Variants in PDE3A observed in about 807,000 individuals in gnomAD.
The protein encoded by PDE3A is phosphodiesterase 3A.
A neutral mutation model predicts 98.3 loss-of-function variants in PDE3A; 43 were observed. That is an observed-to-expected ratio of 0.44 (90% CI 0.34 to 0.56). The LOEUF (loss-of-function observed/expected upper bound fraction) is 0.56, where lower values mean the gene tolerates loss of function less well. Ranked by LOEUF, PDE3A falls within the 20% of genes least tolerant of loss-of-function variation. The probability of loss-of-function intolerance (pLI) is 0.01; values close to 1 mark genes in which losing one functional copy is unlikely to be tolerated. For synonymous variants in PDE3A, 663 were observed against 567.9 expected (o/e 1.17, Z -2.38); for missense variants, 1,427 against 1,440.7 (o/e 0.99, Z 0.15).
chr12:20,546,649 T>C (rs1942067623), intron 1 of PDE3A, among the ~76,000 whole-genome samples: 4 of 152,078 alleles, frequency 2.6e-5, no homozygotes, highest in Admixed American at 2.6e-4. Context: ...TCAAAAACCG[T>C]GTGCTCGTCA....
intron 1 of PDE3A, among the ~76,000 whole-genome samples, chr12:20,533,483 T>C (rs886896076): frequency 1.0e-4 from 15 of 150,614 alleles, no homozygotes; most frequent in Middle Eastern, 6.9e-3. Context: ...TTTTTCTTTT[T>C]TTTTTTTTTT....
chr12:20,497,548 A>G (rs987046311), intron 1 of PDE3A, among the ~76,000 whole-genome samples: 2 of 151,612 alleles, frequency 1.3e-5, no homozygotes, highest in African/African-American at 4.8e-5. Context: ...AAACAGGATC[A>G]TGAGAAAACA....
intron 1 of PDE3A, among the ~76,000 whole-genome samples, chr12:20,461,840 C>T (rs753666048): frequency 1.2e-4 from 18 of 152,114 alleles, no homozygotes; most frequent in Non-Finnish European, 2.5e-4. Context: ...TTTATAATAG[C>T]CTATCTTTTC....
chr12:20,387,447 C>G (rs933222868), intron 1 of PDE3A, among the ~76,000 whole-genome samples: 1 of 151,874 alleles, frequency 6.6e-6, no homozygotes, highest in Non-Finnish European at 1.5e-5. Flanking sequence ...TCTCTCATTC[C>G]TTGGATGCTC....
chr12:20,571,883 A>T, intron 2 of PDE3A: 4 of 1,035,532 alleles, frequency 3.9e-6, no homozygotes, highest in Non-Finnish European at 4.6e-6. Context: ...TCCAATAGTG[A>T]TTGCCACCCA....
intron 2 of PDE3A, among the ~76,000 whole-genome samples, chr12:20,598,364 A>G (rs2121399957): frequency 6.6e-6 from 1 of 152,026 alleles, no homozygotes; most frequent in East Asian, 1.9e-4. Flanking sequence ...TTGTATTTTT[A>G]GTAGAGATGG....
intron 1 of PDE3A, among the ~76,000 whole-genome samples, chr12:20,397,887 G>T (rs1300396566): frequency 1.3e-5 from 2 of 152,062 alleles, no homozygotes; most frequent in African/African-American, 2.4e-5. Context: ...GCAAATGAAT[G>T]AAAATAAAAG....
chr12:20,612,795 G>C (rs1201064250), intron 2 of PDE3A, among the ~76,000 whole-genome samples: 2 of 150,846 alleles, frequency 1.3e-5, no homozygotes, highest in African/African-American at 4.9e-5. Context: ...CTTCGTTTCT[G>C]CTGTGAGGAC....
chr12:20,465,144 T>A (rs1945319113), intron 1 of PDE3A, among the ~76,000 whole-genome samples: 1 of 152,208 alleles, frequency 6.6e-6, no homozygotes, highest in Admixed American at 6.5e-5. Context: ...TCATCAAATC[T>A]TCCTTTCTGA....
chr12:20,558,737 T>G (rs1179650599), intron 2 of PDE3A, among the ~76,000 whole-genome samples: 1 of 150,004 alleles, frequency 6.7e-6, no homozygotes, highest in Non-Finnish European at 1.5e-5. Context: ...TGTTTTCATG[T>G]TTTGGATAAT....
intron 15 of PDE3A, among the ~76,000 whole-genome samples, chr12:20,667,058 G>A (rs747121694): frequency 6.6e-6 from 1 of 152,008 alleles, no homozygotes; most frequent in Non-Finnish European, 1.5e-5. Context: ...ATACCTGTTG[G>A]CCATTTGTAT....
At chr12:20,429,969 T>A (rs187221031) in intron 1 of PDE3A, among the ~76,000 whole-genome samples, 1 of 152,326 alleles carries the variant, frequency 6.6e-6, no homozygotes, top group Admixed American at 6.5e-5. Flanking sequence ...TAAATGTTTT[T>A]AAAATTTCTT....
intron 1 of PDE3A, among the ~76,000 whole-genome samples, chr12:20,387,495 C>T (rs1943833406): frequency 1.3e-5 from 2 of 151,938 alleles, no homozygotes; most frequent in South Asian, 4.1e-4. Context: ...AAACATGAGA[C>T]TTTCAAAGAA....
chr12:20,635,733 A>T (rs1007226088), intron 8 of PDE3A, among the ~76,000 whole-genome samples: 2 of 148,948 alleles, frequency 1.3e-5, no homozygotes, highest in Non-Finnish European at 3.0e-5. Context: ...AGCCTGGGCA[A>T]CAGAGTGCCA....
In PDE3A at chr12:20,687,903, T is replaced by A. The variant is rs1490963900; in HGVS notation, c.*7632T>A. 2.4e-5 allele frequency among the ~76,000 whole-genome samples: 2 copies of A among 84,398 alleles called. No homozygotes were observed. The highest frequency in any genetic ancestry group is 2.1e-5 in the Non-Finnish European group (1 of 46,782). The allele number at this position is 84,398 out of a possible 152,430, so 55.4% of individuals were successfully genotyped here. On this transcript the variant is annotated 3_prime_UTR_variant, in exon 16 of 16. Transcript: ENST00000359062. ...GCATTTGTTCTGACCAGTCATTACCTCTTCCCAACAGAAAAAAAAAAAAAA... is the reference window on the plus strand; with the variant it reads ...GCATTTGTTCTGACCAGTCATTACCACTTCCCAACAGAAAAAAAAAAAAAA...
At chr12:20,612,368 T>A (rs1488847241) in intron 2 of PDE3A, among the ~76,000 whole-genome samples, 2 of 151,588 alleles carry the variant, frequency 1.3e-5, no homozygotes, top group African/African-American at 2.4e-5. Flanking sequence ...ATCTTCTCTG[T>A]GTGGCAAACA....
chr12:20,436,992 T>C (rs1333494294), intron 1 of PDE3A, among the ~76,000 whole-genome samples: 5 of 152,146 alleles, frequency 3.3e-5, no homozygotes, highest in Non-Finnish European at 7.3e-5. Flanking sequence ...TAATTATGAC[T>C]TTTCTTCTTT....
chr12:20,656,111 C>G (rs1049196296), intron 15 of PDE3A, among the ~76,000 whole-genome samples: 1 of 152,182 alleles, frequency 6.6e-6, no homozygotes, highest in South Asian at 2.1e-4. Flanking sequence ...ACAAATACTG[C>G]TCCTAAGAAC....
At chr12:20,437,966 A>G (rs980109563) in intron 1 of PDE3A, among the ~76,000 whole-genome samples, 3 of 110,602 alleles carry the variant, frequency 2.7e-5, no homozygotes, top group East Asian at 3.3e-4. Flanking sequence ...TATGTAAAGA[A>G]AAAGGATTTT....
Sources: gnomAD v4.1 joint callset for allele counts (sites outside exome capture counted in the v4.1 genomes callset) on GRCh38, gnomAD v4.1.1 for gene constraint, MANE v1.5 for transcripts, NCBI Gene and HGNC (gene_info 2026-07-23, HGNC 2026-07-21) for gene names.